ANK1: variants seen among roughly 807,000 people sequenced by gnomAD.
The protein encoded by ANK1 is ankyrin 1, also known as ankyrin-1.
ANK1 carries 51 observed loss-of-function variants against 210.4 expected under a neutral mutation model. The ratio of observed to expected loss-of-function variants is 0.24; its 90% CI spans 0.19 to 0.31. The LOEUF (loss-of-function observed/expected upper bound fraction) is 0.31. Ranked by LOEUF, ANK1 falls within the 10% of genes least tolerant of loss-of-function variation. The pLI, the probability that ANK1 is intolerant of heterozygous loss-of-function variation, is 1.00. For synonymous variants in ANK1, 967 were observed against 1,025.9 expected (o/e 0.94, Z 1.10); for missense variants, 2,051 against 2,504.4 (o/e 0.82, Z 3.86).
chr8:41,676,677 TTA>T (rs1359093705), intron 37 of ANK1, among the ~76,000 whole-genome samples: 1 of 152,204 alleles, frequency 6.6e-6, no homozygotes, highest in Non-Finnish European at 1.5e-5. Context: ...GGTTTTTTTC[TTA>T]TGTTTTCTTC....
intron 1 of ANK1, among the ~76,000 whole-genome samples, chr8:41,868,806 G>T (rs1006989567): frequency 6.6e-6 from 1 of 152,148 alleles, no homozygotes; most frequent in Admixed American, 6.5e-5. Flanking sequence ...AGAGAGCAAA[G>T]TTCCTGGAAC....
intron 29 of ANK1, among the ~76,000 whole-genome samples, chr8:41,693,662 C>T (rs575138824): frequency 2.0e-5 from 3 of 152,122 alleles, no homozygotes; most frequent in South Asian, 2.1e-4. Context: ...TGACCTCAGG[C>T]GATCCACCCG....
intron 1 of ANK1, among the ~76,000 whole-genome samples, chr8:41,876,734 G>A (rs1816691429): frequency 6.6e-6 from 1 of 152,220 alleles, no homozygotes; most frequent in Non-Finnish European, 1.5e-5. Context: ...AAGACAGGGA[G>A]ATGAAGATGA....
intron 1 of ANK1, among the ~76,000 whole-genome samples, chr8:41,857,320 G>A (rs931379092): frequency 2.6e-5 from 4 of 151,276 alleles, no homozygotes; most frequent in East Asian, 1.9e-4. Flanking sequence ...TCTAGTGGCC[G>A]GGCGCGGTGG....
chr8:41,771,815 G>A (rs13254730), intron 1 of ANK1, among the ~76,000 whole-genome samples: 16,596 of 152,168 alleles, frequency 0.11, 967 homozygotes, highest in South Asian at 0.14. Flanking sequence ...CCCCCAGCTC[G>A]CTCCTGGCTT....
At chr8:41,761,123 GCA>G (rs35420752) in intron 1 of ANK1, among the ~76,000 whole-genome samples, 40,788 of 147,694 alleles carry the variant, frequency 0.28, 6,085 homozygotes, top group South Asian at 0.38. Context: ...AGACACACAT[GCA>G]CACACACACA....
chr8:41,712,748 G>A (rs1472085039), intron 16 of ANK1, among the ~76,000 whole-genome samples: 1 of 152,182 alleles, frequency 6.6e-6, no homozygotes, highest in Admixed American at 6.5e-5. Context: ...AGACTACTTT[G>A]GAAACTATTT....
chr8:41,701,919 A>AC, intron 21 of ANK1, 133 bp downstream of exon 21: 1 of 936,634 alleles, frequency 1.1e-6, no homozygotes, highest in East Asian at 2.5e-5. Flanking sequence ...ACAAGCTCCC[A>AC]CCCGTCGGGC....
In ANK1 at chr8:41,661,506, T is replaced by G. The variant is rs770130197; in HGVS notation, c.5603A>C (p.Gln1868Pro). Residue 1868 changes from glutamine (Q) to proline (P), a missense_variant, in exon 42 of 43, where the codon CAG becomes CCG. Transcript: ENST00000289734. ...TTTCAGGCTGGCCCGCTTCACTATC[T>G]GCGCCCCCTTCCTGCCCTCTATCAG... ...PDLIEGRKGAQIVKRASLKRG... is the reference protein window; with the variant it reads ...PDLIEGRKGAPIVKRASLKRG... 6.2e-7 allele frequency: 1 copy of G among 1,614,080 alleles called. No homozygotes were observed. The highest frequency in any genetic ancestry group is 2.2e-5 in the East Asian group (1 of 44,886).
intron 1 of ANK1, among the ~76,000 whole-genome samples, chr8:41,867,749 G>A (rs2150822870): frequency 6.6e-6 from 1 of 152,262 alleles, no homozygotes; most frequent in South Asian, 2.1e-4. Context: ...CTCCCCCACT[G>A]AAATGACAGT....
At chr8:41,758,951 G>A (rs922123402) in intron 1 of ANK1, among the ~76,000 whole-genome samples, 3 of 150,416 alleles carry the variant, frequency 2.0e-5, no homozygotes, top group Non-Finnish European at 4.4e-5. Context: ...GGATGGTCTC[G>A]AACTCCTGGG....
At chr8:41,847,186 A>G (rs1587393036) in intron 1 of ANK1, among the ~76,000 whole-genome samples, 1 of 152,242 alleles carries the variant, frequency 6.6e-6, no homozygotes, top group South Asian at 2.1e-4. Context: ...GTGGCTTAAC[A>G]CTAGGAGTTC....
intron 1 of ANK1, among the ~76,000 whole-genome samples, chr8:41,853,846 A>C (rs1466399253): frequency 6.6e-6 from 1 of 152,100 alleles, no homozygotes; most frequent in African/African-American, 2.4e-5. Context: ...CTGCAGCCTC[A>C]AACTCCTGGG....
At chr8:41,893,207 C>A (rs1280104174) in intron 1 of ANK1, among the ~76,000 whole-genome samples, 2 of 152,206 alleles carry the variant, frequency 1.3e-5, no homozygotes. Context: ...AAGCTGTCAT[C>A]CTTCATGCAA....
rs115084256 is a variant in ANK1, at chr8:41,832,896, G to A, written c.126+63459C>T. ...GGTAATCCATTACATCTCAGTAACT[G>A]TAGATCCATACACCCAGATAATTTG... is the stretch of plus-strand genomic sequence containing the variant. On this transcript the variant is annotated intron_variant, in intron 1 of 42. Coordinates refer to the ANK1 transcript ENST00000265709. Among the ~76,000 whole-genome samples, 994 of 152,324 alleles carry A rather than the reference G, an allele frequency of 6.5e-3. 10 individuals carry two copies. Among genetic ancestry groups the A allele is most frequent in the African/African-American group, 0.019 (777 of 41,566 alleles).
At position 41,702,041 on chromosome 8, in the gene ANK1, G is replaced by C; in HGVS notation, c.2388+11C>G. 2 of 1,611,546 alleles carry C rather than the reference G, an allele frequency of 1.2e-6. No individual in the cohort carries two copies. Among genetic ancestry groups the C allele is most frequent in the Non-Finnish European group, 1.7e-6 (2 of 1,177,610 alleles). ...GTGTCTGGGGTGGGTGCGGGGGAGAGGCAGACATACCACGAAACTGGTTTC... is the reference window on the plus strand; with the variant it reads ...GTGTCTGGGGTGGGTGCGGGGGAGACGCAGACATACCACGAAACTGGTTTC... On this transcript the variant is annotated intron_variant, in intron 21 of 42. Transcript: ENST00000289734.
At chr8:41,670,072 A>C (rs548580160) in intron 38 of ANK1, among the ~76,000 whole-genome samples, 22 of 150,154 alleles carry the variant, frequency 1.5e-4, no homozygotes, top group African/African-American at 5.2e-4. Context: ...ACACACGCCT[A>C]CCTCCTGTCC....
chr8:41,886,912 C>T (rs1818537215), intron 1 of ANK1, among the ~76,000 whole-genome samples: 1 of 152,142 alleles, frequency 6.6e-6, no homozygotes, highest in Non-Finnish European at 1.5e-5. Flanking sequence ...GAGTATTAGG[C>T]CCAACACACA....
intron 34 of ANK1, 90 bp downstream of exon 34, chr8:41,688,421 G>A: frequency 2.6e-6 from 4 of 1,522,936 alleles, no homozygotes; most frequent in Non-Finnish European, 3.6e-6. Context: ...CGGCACCTCA[G>A]CAGAACCCTC....
Sources: gnomAD v4.1 joint callset for allele counts (sites outside exome capture counted in the v4.1 genomes callset) on GRCh38, gnomAD v4.1.1 for gene constraint, MANE v1.5 for transcripts, NCBI Gene and HGNC (gene_info 2026-07-23, HGNC 2026-07-21) for gene names.